MACC1: variants seen among roughly 807,000 people sequenced by gnomAD.
MACC1 encodes the protein metastasis-associated in colon cancer protein 1.
In MACC1, 79 loss-of-function variants were observed where a neutral mutation model predicts 70.7. The observed-to-expected ratio is 1.12, with a 90% CI of 0.93 to 1.35. The LOEUF (loss-of-function observed/expected upper bound fraction) is 1.35, where lower values mean the gene tolerates loss of function less well. MACC1 is among the 40% of genes most tolerant of loss of function. The probability of loss-of-function intolerance (pLI) is 0.00; values close to 1 mark genes in which losing one functional copy is unlikely to be tolerated. For missense variants in MACC1, 1,106 were observed against 978.1 expected, an observed-to-expected ratio of 1.13 and a Z score of -1.74; for synonymous variants, 361 against 347.2, an observed-to-expected ratio of 1.04 and a Z score of -0.44.
chr7:20,136,997 T>A lies in MACC1; in HGVS notation c.*3949A>T, dbSNP rs1446363928. On this transcript the variant is annotated 3_prime_UTR_variant, in exon 7 of 7. Coordinates refer to ENST00000400331, the MANE Select transcript of MACC1 (RefSeq NM_182762.4). Reference sequence around the variant, plus strand: ...TTAAATTATAATTAATTCTTAAAGATTAAGATTATTATTGTGAATAAGAAG... The same window carrying A: ...TTAAATTATAATTAATTCTTAAAGAATAAGATTATTATTGTGAATAAGAAG... 3 of 150,014 alleles carry A rather than the reference T, an allele frequency of 2.0e-5. No individual in the cohort carries two copies. The highest frequency in any genetic ancestry group is 4.4e-5 in the Non-Finnish European group (3 of 67,536). 9.3% of individuals were successfully genotyped at this position (150,014 alleles called of 1,614,324 possible).
Position 20,134,847 on chromosome 7 carries a change from AAAAC to A in MACC1, c.*6095_*6098del, listed in dbSNP as rs1358752070. 1.3e-5 allele frequency: 2 copies of A among 152,228 alleles called. No individual in the cohort carries two copies. The highest frequency in any genetic ancestry group is 4.8e-5 in the African/African-American group (2 of 41,454). The allele number at this position is 152,228 out of a possible 1,614,324, so 9.4% of individuals were successfully genotyped here. The stretch of plus-strand genomic sequence containing the variant: ...ATAGATTCTTCCAATCACCCAAAGA[AAAAC>A]AATTAACAAGGAAATGATGGCAGAG... On this transcript the variant is annotated 3_prime_UTR_variant, in exon 7 of 7. Coordinates refer to ENST00000400331, the MANE Select transcript of MACC1 (RefSeq NM_182762.4).
At chr7:20,178,290 CACACACACT>C (rs376101097) in intron 1 of MACC1, among the ~76,000 whole-genome samples, 62,289 of 145,922 alleles carry the variant, frequency 0.43, 13,281 homozygotes, top group East Asian at 0.65. Flanking sequence ...CACACACACA[CACACACACT>C]CCAGAGAATA....
rs140958133 is a variant in MACC1 at position 20,210,786 on chromosome 7, T to C, written c.-218+6513A>G. Among the ~76,000 whole-genome samples the C allele has an allele frequency of 4.6e-5, 7 of 152,308 alleles. No individual in the cohort carries two copies. The East Asian group carries it at 1.4e-3, about 29-fold the overall frequency. On this transcript the variant is annotated intron_variant, in intron 1 of 6. Transcript: ENST00000400331. ...TTAATGGATGGTCAGGAATTATTTG[T>C]TTAATTAATGATTAAATACATTAAT...
chr7:20,159,514 T>C lies in MACC1; in HGVS notation c.847A>G (p.Met283Val), dbSNP rs1217630935. 9 of 1,614,114 alleles carry C rather than the reference T, an allele frequency of 5.6e-6. No homozygotes were observed. The highest frequency in any genetic ancestry group is 7.6e-6 in the Non-Finnish European group (9 of 1,180,016). Residue 283 changes from methionine to valine, a missense_variant, in exon 5 of 7, where the codon ATG (methionine) becomes GTG (valine). Transcript: ENST00000400331. ...TTCATCTCCAGCAAAAGGGCTTCCA[T>C]TGTATTGAGGTTGCCTAACATGATT... The part of the protein sequence containing the change: ...LEIMLGNLNT[M>V]EALLLEMKIG...
chr7:20,189,399 G>T (rs1389510566), intron 1 of MACC1, among the ~76,000 whole-genome samples: 3 of 152,144 alleles, frequency 2.0e-5, no homozygotes, highest in African/African-American at 7.2e-5. Context: ...CACATAGTAG[G>T]TGCTCAATAA....
intron 1 of MACC1, among the ~76,000 whole-genome samples, chr7:20,187,839 C>A (rs182079617): frequency 6.6e-6 from 1 of 152,264 alleles, no homozygotes; most frequent in African/African-American, 2.4e-5. Flanking sequence ...CCCTGGTGAC[C>A]TTGCTTCATA....
Position 20,138,404 on chromosome 7 carries a change from T to C in MACC1, c.*2542A>G, listed in dbSNP as rs929654568. On this transcript the variant is annotated 3_prime_UTR_variant, in exon 7 of 7. Transcript: ENST00000400331. ...AACAAGATCTCTGTCTTCTTAGATC[T>C]TGGAGCCTGGAAAAACCCAGTTATT... 79 of 152,212 alleles carry C rather than the reference T, an allele frequency of 5.2e-4. No homozygotes were observed. Among genetic ancestry groups the C allele is most frequent in the African/African-American group, 1.7e-3 (71 of 41,538 alleles). 9.4% of individuals were successfully genotyped at this position (152,212 alleles called of 1,614,324 possible). A position where few individuals can be genotyped will look rare whatever the true frequency, so the allele number is the denominator to read the frequency against.
Position 20,159,473 on chromosome 7 carries a change from T to C in MACC1, c.888A>G (p.Val296=). 6.2e-7 allele frequency: 1 copy of C among 1,614,110 alleles called. No individual in the cohort carries two copies. Among genetic ancestry groups the C allele is most frequent in the Non-Finnish European group, 8.5e-7 (1 of 1,180,026 alleles). ...LLLEMKIGAE[V]RKDPFSQVMT... is the part of the protein sequence containing the mutation. Reference sequence around the variant, plus strand: ...TGACTTGGCTGAAAGGATCCTTTCTTACTTCAGCCCCAATTTTCATCTCCA... The same window carrying C: ...TGACTTGGCTGAAAGGATCCTTTCTCACTTCAGCCCCAATTTTCATCTCCA... The change falls in exon 5 of 7, where the codon GTA becomes GTG. Residue 296 remains valine, a synonymous_variant. Transcript: ENST00000400331.
At chr7:20,190,483 C>A (rs1782656282) in intron 1 of MACC1, among the ~76,000 whole-genome samples, 1 of 152,090 alleles carries the variant, frequency 6.6e-6, no homozygotes, top group Admixed American at 6.6e-5. Context: ...TTTAGTGGAA[C>A]TGGCAAATGA....
At chr7:20,169,711 T>C (rs530496651) in intron 2 of MACC1, among the ~76,000 whole-genome samples, 12 of 152,318 alleles carry the variant, frequency 7.9e-5, no homozygotes, top group African/African-American at 2.9e-4. Context: ...CCTTCTAGTA[T>C]AAACTTGGAA....
At position 20,152,458 on chromosome 7, in the gene MACC1, A is replaced by T. The variant is rs12671945; in HGVS notation, c.2346+1735T>A. 7.1e-3 allele frequency among the ~76,000 whole-genome samples: 1,080 copies of T among 152,310 alleles called. 26 individuals carry two copies. Among genetic ancestry groups the T allele is most frequent in the Admixed American group, 0.038 (574 of 15,282 alleles). The stretch of plus-strand genomic sequence containing the variant: ...GTTGGAAATTAGCATATATTTACCC[A>T]TTAGTTAAGTGACCTCGTACGTAAG... On this transcript the variant is annotated intron_variant, in intron 6 of 6. Transcript: ENST00000400331.
rs1159756186 is a variant in MACC1 at position 20,140,812 on chromosome 7, CACACACACACACAG to C, written c.*120_*133del. 0.019 allele frequency: 10,491 copies of C among 548,230 alleles called. 58 individuals are homozygous for C. The highest frequency in any genetic ancestry group is 0.029 in the Middle Eastern group (67 of 2,280). The allele number at this position is 548,230 out of a possible 1,614,324, so 34.0% of individuals were successfully genotyped here. A position where few individuals can be genotyped will look rare whatever the true frequency, so the allele number is the denominator to read the frequency against. On this transcript the variant is annotated 3_prime_UTR_variant, in exon 7 of 7. Transcript: ENST00000400331. ...AGATTCTTTCTTTCCTACACACACA[CACACACACACACAG>C]ACACACACACACAGACACACACACA... is the stretch of plus-strand genomic sequence containing the variant.
At chr7:20,149,332 T>C (rs1278345304) in intron 6 of MACC1, among the ~76,000 whole-genome samples, 1 of 152,214 alleles carries the variant, frequency 6.6e-6, no homozygotes, top group East Asian at 1.9e-4. Context: ...TATATAGTTA[T>C]CAAATTCACC....
chr7:20,150,840 A>G (rs1027007450), intron 6 of MACC1, among the ~76,000 whole-genome samples: 16 of 152,162 alleles, frequency 1.1e-4, no homozygotes, highest in African/African-American at 3.4e-4. Context: ...TGAGGTCAGG[A>G]GTTCGAGACC....
intron 6 of MACC1, among the ~76,000 whole-genome samples, chr7:20,151,926 T>C (rs921868206): frequency 2.0e-5 from 3 of 152,210 alleles, no homozygotes; most frequent in Admixed American, 6.6e-5. Context: ...GTCAAATGTC[T>C]GTGCTCTAAA....
chr7:20,146,700 T>C (rs1781896662), intron 6 of MACC1, among the ~76,000 whole-genome samples: 1 of 152,206 alleles, frequency 6.6e-6, no homozygotes, highest in Non-Finnish European at 1.5e-5. Context: ...ATGTTATGAT[T>C]AGAAAAGATA....
In MACC1 at chr7:20,200,023, ATG is replaced by A. The variant is rs57904550; in HGVS notation, c.-218+17274_-218+17275del. Among the ~76,000 whole-genome samples the A allele has an allele frequency of 8.7e-3, 1,294 of 148,952 alleles. 5 individuals carry two copies. Among genetic ancestry groups the A allele is most frequent in the Middle Eastern group, 0.058 (17 of 292 alleles). ...AAGATAAACAAGTGGCTATACCATT[ATG>A]TGTGTGTGTGTGTGTGTGTACATAT... On this transcript the variant is annotated intron_variant, in intron 1 of 6. Transcript: ENST00000400331.
chr7:20,174,927 G>C (rs1782368815), intron 1 of MACC1, among the ~76,000 whole-genome samples: 2 of 152,020 alleles, frequency 1.3e-5, no homozygotes, highest in African/African-American at 4.8e-5. Flanking sequence ...TGATGAACTT[G>C]AAAAATATTC....
intron 1 of MACC1, among the ~76,000 whole-genome samples, chr7:20,171,350 C>G (rs1782303593): frequency 6.6e-6 from 1 of 151,222 alleles, no homozygotes; most frequent in African/African-American, 2.4e-5. Flanking sequence ...CTCCCAGGTT[C>G]ACACCATTTT....
Sources: allele counts gnomAD v4.1 joint callset (sites outside exome capture counted in the v4.1 genomes callset), GRCh38; gene constraint gnomAD v4.1.1; transcripts MANE v1.5; gene names NCBI Gene and HGNC (gene_info 2026-07-23, HGNC 2026-07-21).